Variants in ERBB4 observed in about 807,000 individuals in gnomAD.
The protein encoded by ERBB4 is receptor tyrosine-protein kinase erbB-4.
In ERBB4, 42 loss-of-function variants were observed where a neutral mutation model predicts 158.0. The ratio of observed to expected loss-of-function variants is 0.27; its 90% CI spans 0.21 to 0.34. ERBB4 has a LOEUF of 0.34. Ranked by LOEUF, ERBB4 falls within the 10% of genes least tolerant of loss-of-function variation. The pLI, the probability that ERBB4 is intolerant of heterozygous loss-of-function variation, is 1.00. For missense variants in ERBB4, 1,333 were observed against 1,624.1 expected, an observed-to-expected ratio of 0.82 and a Z score of 3.08; for synonymous variants, 583 against 558.7, an observed-to-expected ratio of 1.04 and a Z score of -0.61.
intron 1 of ERBB4, among the ~76,000 whole-genome samples, chr2:212,422,359 G>A (rs2091812648): frequency 6.6e-6 from 1 of 152,002 alleles, no homozygotes; most frequent in Non-Finnish European, 1.5e-5. Flanking sequence ...ACAAAAATTA[G>A]TGGTGGTACA....
chr2:211,647,690 T>C (rs1456362920), intron 16 of ERBB4, among the ~76,000 whole-genome samples: 1 of 151,748 alleles, frequency 6.6e-6, no homozygotes, highest in Non-Finnish European at 1.5e-5. Context: ...CTTCTCTCCA[T>C]TCACTCGAAT....
intron 25 of ERBB4, among the ~76,000 whole-genome samples, chr2:211,402,913 A>C (rs2063074873): frequency 1.3e-5 from 2 of 152,010 alleles, no homozygotes; most frequent in Admixed American, 1.3e-4. Context: ...TTCCTCCTAC[A>C]TATTTTCTAA....
chr2:211,446,364 C>T (rs2064112853), intron 20 of ERBB4, among the ~76,000 whole-genome samples: 1 of 151,910 alleles, frequency 6.6e-6, no homozygotes. Flanking sequence ...TTGGGGTCAC[C>T]CAGAGAAGAT....
At chr2:212,102,289 A>G (rs2079108232) in intron 2 of ERBB4, among the ~76,000 whole-genome samples, 2 of 151,648 alleles carry the variant, frequency 1.3e-5, no homozygotes, top group African/African-American at 4.8e-5. Context: ...TCTGCTGATT[A>G]AAACTCTGGT....
chr2:212,400,541 T>C (rs1482363507), intron 1 of ERBB4, among the ~76,000 whole-genome samples: 2 of 152,194 alleles, frequency 1.3e-5, no homozygotes, highest in Non-Finnish European at 1.5e-5. Flanking sequence ...TAAAATCTTA[T>C]ATAGTTCCCT....
chr2:211,781,612 T>C (rs1231917067), intron 4 of ERBB4, among the ~76,000 whole-genome samples: 1 of 152,194 alleles, frequency 6.6e-6, no homozygotes, highest in Non-Finnish European at 1.5e-5. Context: ...GAATATATAA[T>C]GAAAATGTAA....
At chr2:212,305,582 C>A (rs1004188443) in intron 1 of ERBB4, among the ~76,000 whole-genome samples, 5 of 150,338 alleles carry the variant, frequency 3.3e-5, no homozygotes, top group African/African-American at 1.2e-4. Context: ...GCAAAAAAAA[C>A]CTGACTCCTT....
intron 3 of ERBB4, among the ~76,000 whole-genome samples, chr2:211,855,968 A>T (rs984270999): frequency 1.3e-5 from 2 of 152,218 alleles, no homozygotes; most frequent in Non-Finnish European, 2.9e-5. Flanking sequence ...AATTTAGAAA[A>T]TCTCAGGATA....
chr2:212,363,913 A>C (rs749790266), intron 1 of ERBB4, among the ~76,000 whole-genome samples: 16 of 151,694 alleles, frequency 1.1e-4, no homozygotes, highest in African/African-American at 1.7e-4. Flanking sequence ...CAAACAGCTA[A>C]TGGAAAGAGG....
intron 1 of ERBB4, among the ~76,000 whole-genome samples, chr2:212,430,554 C>A (rs1288032314): frequency 6.6e-6 from 1 of 151,974 alleles, no homozygotes; most frequent in African/African-American, 2.4e-5. Context: ...GATTCTCCTG[C>A]CTCAGCCTCC....
chr2:211,974,557 G>A (rs938924451), intron 2 of ERBB4, among the ~76,000 whole-genome samples: 18 of 152,154 alleles, frequency 1.2e-4, no homozygotes, highest in African/African-American at 4.3e-4. Flanking sequence ...GGAGTCCACA[G>A]CATCTCCAAG....
Position 212,305,091 on chromosome 2 carries a change from GC to G in ERBB4, c.83-180189del, listed in dbSNP as rs935197599. Among the ~76,000 whole-genome samples the G allele has an allele frequency of 7.1e-4, 107 of 151,314 alleles. 1 individual carries two copies. The highest frequency in any genetic ancestry group is 2.4e-3 in the African/African-American group (101 of 41,422). On this transcript the variant is annotated intron_variant, in intron 1 of 27. Transcript: ENST00000342788. ...ACTTATGAATGCCCAACTTATAAAT[GC>G]CAAATATTTTATTATTTTATAATGG...
intron 2 of ERBB4, among the ~76,000 whole-genome samples, chr2:212,018,523 C>T (rs543264184): frequency 6.6e-6 from 1 of 152,286 alleles, no homozygotes; most frequent in Non-Finnish European, 1.5e-5. Flanking sequence ...AGGAACTAAA[C>T]ATTAATGTCT....
intron 3 of ERBB4, among the ~76,000 whole-genome samples, chr2:211,873,795 G>T (rs1473905468): frequency 4.0e-5 from 6 of 150,014 alleles, no homozygotes; most frequent in African/African-American, 1.2e-4. Flanking sequence ...TTTGTCCAGG[G>T]TGTTAAGTCT....
chr2:211,664,325 A>T (rs1287622512), intron 15 of ERBB4, among the ~76,000 whole-genome samples: 1 of 119,212 alleles, frequency 8.4e-6, no homozygotes, highest in African/African-American at 3.7e-5. Context: ...TCTCAACTAC[A>T]AATGTGTGTG....
Position 211,713,654 on chromosome 2 carries a change from TAAAAAAA to T in ERBB4, c.884-13_884-7del. 1 of 1,247,854 alleles carries T rather than the reference TAAAAAAA, an allele frequency of 8.0e-7. No homozygotes were observed. The highest frequency in any genetic ancestry group is 1.1e-6 in the Non-Finnish European group (1 of 877,948). The allele number at this position is 1,247,854 out of a possible 1,614,324, so 77.3% of individuals were successfully genotyped here. ...GGAATCTACCACAAAGTTATCTGATTAAAAAAAAAAAAAAGGTAAAATAAGCATTAAT... is the reference window on the plus strand; with the variant it reads ...GGAATCTACCACAAAGTTATCTGATTAAAAAAAGGTAAAATAAGCATTAAT... On this transcript the variant is annotated splice_polypyrimidine_tract_variant and splice_region_variant and intron_variant, in intron 7 of 27. Transcript: ENST00000342788.
intron 2 of ERBB4, among the ~76,000 whole-genome samples, chr2:212,045,563 A>G (rs774345197): frequency 1.7e-4 from 26 of 152,194 alleles, no homozygotes; most frequent in Non-Finnish European, 2.5e-4. Flanking sequence ...CCCCCATAAA[A>G]GCATCGTCAG....
intron 1 of ERBB4, among the ~76,000 whole-genome samples, chr2:212,426,838 G>C (rs1452574386): frequency 6.6e-6 from 1 of 151,980 alleles, no homozygotes; most frequent in Non-Finnish European, 1.5e-5. Flanking sequence ...CAGAGGGCTC[G>C]GGGTAGCCAT....
rs796374773 is a variant in ERBB4 at position 211,724,361 on chromosome 2, T to TAAAA, written c.741+711_741+714dup. On this transcript the variant is annotated intron_variant, in intron 6 of 27. Coordinates refer to ENST00000342788, the MANE Select transcript of ERBB4 (RefSeq NM_005235.3). ...TTAAGTGTCTTTCTTTTTTTTTTTT[T>TAAAA]AAAAAAAGCTCAATTCTACTACATA... 8.0e-5 allele frequency among the ~76,000 whole-genome samples: 12 copies of TAAAA among 150,808 alleles called. No individual in the cohort carries two copies. In the South Asian group the frequency reaches 2.5e-3, roughly 32 times the overall value.
Sources: gnomAD v4.1 joint callset for allele counts (sites outside exome capture counted in the v4.1 genomes callset) on GRCh38, gnomAD v4.1.1 for gene constraint, MANE v1.5 for transcripts, NCBI Gene and HGNC (gene_info 2026-07-23, HGNC 2026-07-21) for gene names.